Variants in ATXN7 observed in about 807,000 individuals in gnomAD.
The protein encoded by ATXN7 is ataxin 7.
Under a neutral mutation model 70.5 loss-of-function variants are expected in ATXN7, and 12 were observed. The observed-to-expected ratio is 0.17, with a 90% CI of 0.11 to 0.28. ATXN7 has a LOEUF of 0.28. Ranked by LOEUF, ATXN7 falls within the 10% of genes least tolerant of loss-of-function variation. The probability of loss-of-function intolerance (pLI) is 1.00; values close to 1 mark genes in which losing one functional copy is unlikely to be tolerated. For synonymous variants in ATXN7, 498 were observed against 448.7 expected (o/e 1.11, Z -1.39); for missense variants, 1,256 against 1,131.7 (o/e 1.11, Z -1.58).
At chr3:63,891,829 T>G (rs1195255646) in intron 1 of ATXN7, among the ~76,000 whole-genome samples, 1 of 152,198 alleles carries the variant, frequency 6.6e-6, no homozygotes, top group African/African-American at 2.4e-5. Context: ...GAGTGAAATT[T>G]GTTGTGTGCT....
intron 1 of ATXN7, among the ~76,000 whole-genome samples, chr3:63,882,305 G>C (rs1287380024): frequency 6.6e-6 from 1 of 151,722 alleles, no homozygotes; most frequent in Non-Finnish European, 1.5e-5. Context: ...CATTTACACA[G>C]TGCATGGTAT....
chr3:63,912,747 A>T lies in ATXN7; in HGVS notation c.149A>T (p.His50Leu). 1 of 1,302,436 alleles carries T rather than the reference A, an allele frequency of 7.7e-7. No homozygotes were observed. The highest frequency in any genetic ancestry group is 1.6e-5 in the African/African-American group (1 of 63,614). 80.7% of individuals were successfully genotyped at this position (1,302,436 alleles called of 1,614,324 possible). ...PPPPQPQRQQ[H>L]PPPPPRRTRP... The stretch of plus-strand genomic sequence containing the variant: ...CCTCCGCAGCCCCAGCGGCAGCAGC[A>T]CCCGCCACCGCCGCCACGGCGCACA... The change falls in exon 3 of 13, where the codon CAC becomes CTC. Residue 50 changes from histidine to leucine, a missense_variant. Transcript: ENST00000674280.
chr3:63,907,706 C>G (rs1263876839), intron 2 of ATXN7, among the ~76,000 whole-genome samples: 1 of 151,666 alleles, frequency 6.6e-6, no homozygotes, highest in Non-Finnish European at 1.5e-5. Flanking sequence ...CTTGGTCCCC[C>G]AAAGTGCTGG....
At chr3:63,867,299 G>T (rs891983015) in intron 1 of ATXN7, among the ~76,000 whole-genome samples, 1 of 152,094 alleles carries the variant, frequency 6.6e-6, no homozygotes, top group African/African-American at 2.4e-5. Context: ...TCTTTTTATT[G>T]AATAAAATGG....
chr3:63,957,222 A>G (rs1415293855), intron 5 of ATXN7, among the ~76,000 whole-genome samples: 3 of 152,224 alleles, frequency 2.0e-5, no homozygotes, highest in African/African-American at 7.2e-5. Flanking sequence ...TAGGAGAAAT[A>G]GATGAATGAT....
intron 1 of ATXN7, among the ~76,000 whole-genome samples, chr3:63,893,105 G>C (rs1703336549): frequency 6.6e-6 from 1 of 152,190 alleles, no homozygotes; most frequent in Admixed American, 6.5e-5. Context: ...AAGAGTTCCT[G>C]TGTTATAGAT....
At position 63,982,996 on chromosome 3, in the gene ATXN7, C is replaced by T; in HGVS notation, c.1070C>T (p.Pro357Leu). 1.2e-6 allele frequency: 2 copies of T among 1,613,982 alleles called. No individual in the cohort carries two copies. Among genetic ancestry groups the T allele is most frequent in the Non-Finnish European group, 1.7e-6 (2 of 1,179,966 alleles). The change falls in exon 8 of 13, where the codon CCC becomes CTC. Residue 357 changes from proline to leucine, a missense_variant. Transcript: ENST00000674280. Reference protein sequence around the residue: ...CGVIDLDTKKPCTRSLTCKTH... With the variant: ...CGVIDLDTKKLCTRSLTCKTH... ...GTTATTGATCTCGACACCAAGAAGC[C>T]CTGCACCCGGTCTTTGACATGCAAG...
At chr3:63,962,443 C>T (rs568817045) in intron 5 of ATXN7, among the ~76,000 whole-genome samples, 3 of 152,018 alleles carry the variant, frequency 2.0e-5, no homozygotes, top group South Asian at 4.2e-4. Flanking sequence ...CCCACTGTCT[C>T]GCTCAGGATG....
intron 4 of ATXN7, among the ~76,000 whole-genome samples, chr3:63,927,615 G>A (rs1441655024): frequency 6.6e-6 from 1 of 152,174 alleles, no homozygotes; most frequent in Non-Finnish European, 1.5e-5. Flanking sequence ...GGAATAGCTG[G>A]TATATACAAA....
chr3:63,983,083 C>T, intron 8 of ATXN7, 62 bp downstream of exon 8: 5 of 1,249,368 alleles, frequency 4.0e-6, no homozygotes, highest in Non-Finnish European at 5.9e-6. Flanking sequence ...TGGGATGTAC[C>T]ACACTACTCC....
chr3:63,907,478 G>A (rs894399733), intron 2 of ATXN7, among the ~76,000 whole-genome samples: 2 of 37,592 alleles, frequency 5.3e-5, no homozygotes, highest in African/African-American at 2.2e-4. Context: ...TTTTTTTTTT[G>A]TAACAGGGTC....
intron 1 of ATXN7, among the ~76,000 whole-genome samples, chr3:63,867,658 C>T (rs937449247): frequency 2.7e-5 from 4 of 150,622 alleles, no homozygotes; most frequent in African/African-American, 5.0e-5. Flanking sequence ...TAGGCCGAGG[C>T]GGGTGGATCA....
intron 4 of ATXN7, among the ~76,000 whole-genome samples, chr3:63,913,630 G>A (rs954744956): frequency 6.6e-6 from 1 of 152,216 alleles, no homozygotes; most frequent in Non-Finnish European, 1.5e-5. Context: ...TAAAGAAGAT[G>A]CTTTACCTAT....
chr3:63,863,891 T>A lies in ATXN7; in HGVS notation c.-378T>A. Reference sequence around the variant, plus strand: ...CACAATGCAGCCGGGTAAACAGCCATGGAGGAGGAGGCGGCGGCGCCCGCG... The same window carrying A: ...CACAATGCAGCCGGGTAAACAGCCAAGGAGGAGGAGGCGGCGGCGCCCGCG... On this transcript the variant is annotated 5_prime_UTR_variant, in exon 1 of 13. The change abolishes an upstream ATG in the 5' untranslated region. Coordinates refer to ENST00000674280, the MANE Select transcript of ATXN7 (RefSeq NM_001377405.1). 1.8e-6 allele frequency: 2 copies of A among 1,134,286 alleles called. No individual in the cohort carries two copies. Among genetic ancestry groups the A allele is most frequent in the Non-Finnish European group, 2.2e-6 (2 of 930,186 alleles). 70.3% of individuals were successfully genotyped at this position (1,134,286 alleles called of 1,614,324 possible). A position where few individuals can be genotyped will look rare whatever the true frequency, so the allele number is the denominator to read the frequency against.
chr3:63,990,169 C>T lies in ATXN7; in HGVS notation c.1362-7C>T, dbSNP rs190120863. ...TCTGATCCGTGCTGCACTTTCTACT[C>T]ACCAAGGCCTCCAGGCTGCCCTGCT... is the stretch of plus-strand genomic sequence containing the variant. On this transcript the variant is annotated splice_polypyrimidine_tract_variant and splice_region_variant and intron_variant, in intron 9 of 12. Transcript: ENST00000674280. 17 of 1,612,554 alleles carry T rather than the reference C, an allele frequency of 1.1e-5. No homozygotes were observed. In the Admixed American group the frequency reaches 2.3e-4, roughly 22 times the overall value.
chr3:63,919,280 C>A (rs1372525439), intron 4 of ATXN7, among the ~76,000 whole-genome samples: 1 of 152,166 alleles, frequency 6.6e-6, no homozygotes, highest in East Asian at 1.9e-4. Flanking sequence ...TGACTACACA[C>A]AACAGAGACC....
intron 1 of ATXN7, among the ~76,000 whole-genome samples, chr3:63,875,054 TCA>T (rs1702710260): frequency 6.6e-6 from 1 of 152,104 alleles, no homozygotes; most frequent in Non-Finnish European, 1.5e-5. Flanking sequence ...CATGACCTAA[TCA>T]CCCTGCAGAA....
At chr3:63,936,683 T>C (rs193047767) in intron 4 of ATXN7, among the ~76,000 whole-genome samples, 53 of 152,274 alleles carry the variant, frequency 3.5e-4, no homozygotes, top group African/African-American at 1.1e-3. Flanking sequence ...TTCTCACATA[T>C]GGTTTTGTGT....
intron 4 of ATXN7, among the ~76,000 whole-genome samples, chr3:63,947,661 A>G (rs1465010650): frequency 6.6e-6 from 1 of 152,188 alleles, no homozygotes; most frequent in Admixed American, 6.5e-5. Flanking sequence ...TGAGGGAACC[A>G]GGATTCAGAG....
Sources: allele counts gnomAD v4.1 joint callset (sites outside exome capture counted in the v4.1 genomes callset), GRCh38; gene constraint gnomAD v4.1.1; transcripts MANE v1.5; gene names NCBI Gene and HGNC (gene_info 2026-07-23, HGNC 2026-07-21).